STAM2: variants seen among roughly 807,000 people sequenced by gnomAD.
STAM2 encodes signal transducing adaptor molecule 2, also known as signal transducing adapter molecule 2.
In STAM2, 51 loss-of-function variants were observed where a neutral mutation model predicts 65.6. That is an observed-to-expected ratio of 0.78 (90% confidence interval 0.62 to 0.98). The LOEUF (loss-of-function observed/expected upper bound fraction) is 0.98, where lower values mean the gene tolerates loss of function less well. Among genes scored for constraint, STAM2 ranks in the 50% least tolerant of loss-of-function variants. The pLI, the probability that STAM2 is intolerant of heterozygous loss-of-function variation, is 0.00. For missense variants in STAM2, 584 were observed against 617.8 expected, an observed-to-expected ratio of 0.95 and a Z score of 0.58; for synonymous variants, 198 against 208.4, an observed-to-expected ratio of 0.95 and a Z score of 0.43.
chr2:152,139,986 T>C (rs1237686162), intron 7 of STAM2, among the ~76,000 whole-genome samples: 1 of 152,196 alleles, frequency 6.6e-6, no homozygotes, highest in African/African-American at 2.4e-5. Context: ...TATATGCAAA[T>C]ATGACGCCAT....
chr2:152,143,142 T>C (rs1689279290), intron 7 of STAM2, among the ~76,000 whole-genome samples: 1 of 152,234 alleles, frequency 6.6e-6, no homozygotes, highest in Non-Finnish European at 1.5e-5. Flanking sequence ...TCTCAAGAAA[T>C]ATTTACCACA....
At chr2:152,127,142 T>TG (rs1223179724) in intron 11 of STAM2, among the ~76,000 whole-genome samples, 1 of 152,204 alleles carries the variant, frequency 6.6e-6, no homozygotes, top group African/African-American at 2.4e-5. Flanking sequence ...TCCCACACTG[T>TG]GGGGTGTACT....
intron 1 of STAM2, among the ~76,000 whole-genome samples, chr2:152,169,210 TAAG>T (rs1689854535): frequency 6.6e-6 from 1 of 152,180 alleles, no homozygotes; most frequent in Admixed American, 6.5e-5. Context: ...TAAAGATTAG[TAAG>T]AAATGTATCT....
chr2:152,121,972 C>T (rs554280950), intron 13 of STAM2, among the ~76,000 whole-genome samples: 2 of 151,540 alleles, frequency 1.3e-5, no homozygotes, highest in South Asian at 2.1e-4. Flanking sequence ...GGCATGAACC[C>T]GGGAGGTGGG....
chr2:152,166,829 C>T (rs115891187), intron 1 of STAM2, among the ~76,000 whole-genome samples: 1 of 152,104 alleles, frequency 6.6e-6, no homozygotes, highest in South Asian at 2.1e-4. Context: ...AAAGTAAAAG[C>T]TGCTGCTCCA....
At chr2:152,143,582 T>C (rs1689287800) in intron 7 of STAM2, among the ~76,000 whole-genome samples, 1 of 152,200 alleles carries the variant, frequency 6.6e-6, no homozygotes, top group Non-Finnish European at 1.5e-5. Context: ...CCAATTGTGG[T>C]CATCAACAAT....
At chr2:152,121,139 A>C (rs1051529654) in intron 13 of STAM2, among the ~76,000 whole-genome samples, 1 of 152,020 alleles carries the variant, frequency 6.6e-6, no homozygotes, top group Non-Finnish European at 1.5e-5. Flanking sequence ...CAACTAATTA[A>C]AAAAAAATTT....
rs1343887726 is a variant in STAM2, at chr2:152,133,482, C to A, written c.802G>T (p.Ala268Ser). The change falls in exon 9 of 14, where the codon GCT becomes TCT. Residue 268 changes from alanine (A) to serine (S), a missense_variant and splice_region_variant. Ala to Ser is a moderately conservative substitution (Grantham distance 99). Transcript: ENST00000263904. ...TCAATTACATTCAATTTGTCCACAG[C>A]CGCTATAGAAACAAAGTAATTTTAA... ...TNLNIETEAA[A>S]VDKLNVIDDD... 14 of 1,610,640 alleles carry A rather than the reference C, an allele frequency of 8.7e-6. No individual in the cohort carries two copies. In the East Asian group the frequency reaches 2.2e-4, roughly 26 times the overall value.
intron 7 of STAM2, among the ~76,000 whole-genome samples, chr2:152,140,156 C>T (rs1689219082): frequency 6.6e-6 from 1 of 152,124 alleles, no homozygotes; most frequent in Non-Finnish European, 1.5e-5. Context: ...CTCTTAACTC[C>T]ACTGGGAGCT....
chr2:152,133,416 C>T lies in STAM2; in HGVS notation c.868G>A (p.Val290Ile). Residue 290 changes from valine (V) to isoleucine (I), a missense_variant, in exon 9 of 14, where the codon GTT (valine) becomes ATT (isoleucine). Coordinates refer to ENST00000263904, the MANE Select transcript of STAM2 (RefSeq NM_005843.6). ...EEIKKSEPEP[V>I]YIDEDKMDRA... ...AGGGACCCTACCTCATCTATATAAA[C>T]AGGCTCAGGCTCTGATTTCTTAATT... 1.2e-6 allele frequency: 2 copies of T among 1,612,416 alleles called. No individual in the cohort carries two copies. The highest frequency in any genetic ancestry group is 8.5e-7 in the Non-Finnish European group (1 of 1,179,022).
intron 7 of STAM2, among the ~76,000 whole-genome samples, chr2:152,138,371 CTTTTT>C (rs566344861): frequency 6.6e-6 from 1 of 151,738 alleles, no homozygotes; most frequent in African/African-American, 2.4e-5. Context: ...CTGAGAATGA[CTTTTT>C]TTTACTACAT....
At chr2:152,140,952 T>C (rs1022629649) in intron 7 of STAM2, among the ~76,000 whole-genome samples, 1 of 150,956 alleles carries the variant, frequency 6.6e-6, no homozygotes, top group African/African-American at 2.4e-5. Context: ...CTGGCCAACA[T>C]GATTAAACCC....
In STAM2 at chr2:152,118,700, T is replaced by C. The variant is rs1344669039; in HGVS notation, c.*1874A>G. On this transcript the variant is annotated 3_prime_UTR_variant, in exon 14 of 14. Transcript: ENST00000263904. ...GACTATTATCGAGAGCAGCTTTGGATTTTTTTTAAATGTTTTTTAAAAATT... is the reference window on the plus strand; with the variant it reads ...GACTATTATCGAGAGCAGCTTTGGACTTTTTTTAAATGTTTTTTAAAAATT... 1.1e-5 allele frequency: 1 copy of C among 89,362 alleles called. No homozygotes were observed. The highest frequency in any genetic ancestry group is 2.4e-5 in the Non-Finnish European group (1 of 41,864). 5.5% of individuals were successfully genotyped at this position (89,362 alleles called of 1,614,324 possible). A position where few individuals can be genotyped will look rare whatever the true frequency, so the allele number is the denominator to read the frequency against.
At chr2:152,123,728 T>A (rs1454166877) in intron 13 of STAM2, 38 bp downstream of exon 13, 1 of 1,595,592 alleles carries the variant, frequency 6.3e-7, no homozygotes, top group Non-Finnish European at 8.6e-7. Flanking sequence ...TCTAGGAAAA[T>A]TAACACATAT....
intron 1 of STAM2, among the ~76,000 whole-genome samples, chr2:152,165,959 G>T (rs11884659): frequency 0.21 from 31,489 of 152,106 alleles, 3,565 homozygotes; most frequent in Admixed American, 0.3. Flanking sequence ...CTCCAGCACT[G>T]CGGGAGGTCA....
intron 2 of STAM2, 73 bp downstream of exon 2, chr2:152,150,072 A>G: frequency 9.7e-7 from 1 of 1,027,214 alleles, no homozygotes. Flanking sequence ...TTTTCCTCTC[A>G]AAGTTACATC....
At chr2:152,140,833 C>A (rs1560215114) in intron 7 of STAM2, among the ~76,000 whole-genome samples, 1 of 152,132 alleles carries the variant, frequency 6.6e-6, no homozygotes, top group Non-Finnish European at 1.5e-5. Context: ...AAATGGTACA[C>A]AGAAAACAAA....
At chr2:152,140,516 T>C (rs1224070775) in intron 7 of STAM2, among the ~76,000 whole-genome samples, 3 of 152,184 alleles carry the variant, frequency 2.0e-5, no homozygotes, top group African/African-American at 7.2e-5. Context: ...ATGGATATAA[T>C]TATCACGTGA....
intron 1 of STAM2, among the ~76,000 whole-genome samples, chr2:152,153,290 C>A (rs1017746706): frequency 6.6e-6 from 1 of 151,070 alleles, no homozygotes; most frequent in Non-Finnish European, 1.5e-5. Flanking sequence ...AATAATCTAG[C>A]AAAACATACA....
Sources: allele counts gnomAD v4.1 joint callset (sites outside exome capture counted in the v4.1 genomes callset), GRCh38; gene constraint gnomAD v4.1.1; transcripts MANE v1.5; gene names NCBI Gene and HGNC (gene_info 2026-07-23, HGNC 2026-07-21).